Variants in MBOAT2 observed in about 807,000 individuals in gnomAD.
MBOAT2 encodes the protein membrane-bound glycerophospholipid O-acyltransferase 2.
A neutral mutation model predicts 63.4 loss-of-function variants in MBOAT2; 28 were observed. The observed-to-expected ratio is 0.44, with a 90% CI of 0.33 to 0.61. The LOEUF (loss-of-function observed/expected upper bound fraction) is 0.61. Ranked by LOEUF, MBOAT2 falls within the 20% of genes least tolerant of loss-of-function variation. The probability of loss-of-function intolerance (pLI) is 0.03; values close to 1 mark genes in which losing one functional copy is unlikely to be tolerated. For synonymous variants in MBOAT2, 211 were observed against 215.6 expected (o/e 0.98, Z 0.19); for missense variants, 470 against 605.8 (o/e 0.78, Z 2.35).
At chr2:8,906,379 A>G (rs1438109619) in intron 4 of MBOAT2, among the ~76,000 whole-genome samples, 3 of 152,224 alleles carry the variant, frequency 2.0e-5, no homozygotes, top group Non-Finnish European at 4.4e-5. Flanking sequence ...GACAGGATGC[A>G]GGCACAAGTG....
At chr2:8,974,414 C>T (rs62119989) in intron 1 of MBOAT2, 22,150 of 456,212 alleles carry the variant, frequency 0.049, 635 homozygotes, top group Middle Eastern at 0.071. Context: ...GAAAGACACC[C>T]GGGAATCATG....
Position 8,862,427 on chromosome 2 carries a change from G to T in MBOAT2, c.1185+163C>A. On this transcript the variant is annotated intron_variant, in intron 11 of 12. Coordinates refer to ENST00000305997, the MANE Select transcript of MBOAT2 (RefSeq NM_138799.4). This position sits in a 1 kb window ranked among gnomAD's most constrained non-coding sequence, Gnocchi z 4.3. ...GGGCATGGAGCCTAGCCCGTGGTGA[G>T]CGCTCAGCAAACATGCACGCAGTAC... 1.5e-6 allele frequency: 2 copies of T among 1,318,064 alleles called. No individual in the cohort carries two copies. Among genetic ancestry groups the T allele is most frequent in the Non-Finnish European group, 2.1e-6 (2 of 969,778 alleles). The allele number at this position is 1,318,064 out of a possible 1,614,324, so 81.6% of individuals were successfully genotyped here. A position where few individuals can be genotyped will look rare whatever the true frequency, so the allele number is the denominator to read the frequency against.
rs566559972 is a variant in MBOAT2, at chr2:8,856,862, T to A, written c.*1817A>T. ...GAGCCACCATGCTCAGCCAACATAA[T>A]TTCAATGCATGGGAAAACAGAGGAA... On this transcript the variant is annotated 3_prime_UTR_variant, in exon 13 of 13. Transcript: ENST00000305997. This position sits in a 1 kb window ranked among gnomAD's most constrained non-coding sequence, Gnocchi z 4.2. The A allele has an allele frequency of 6.6e-6, 1 of 152,276 alleles. No individual in the cohort carries two copies. The highest frequency in any genetic ancestry group is 1.9e-4 in the East Asian group (1 of 5,178). The allele number at this position is 152,276 out of a possible 1,614,324, so 9.4% of individuals were successfully genotyped here.
At chr2:8,941,971 T>G (rs1668082915) in intron 3 of MBOAT2, among the ~76,000 whole-genome samples, 1 of 152,246 alleles carries the variant, frequency 6.6e-6, no homozygotes. Flanking sequence ...GCATCAGATA[T>G]TAATTGTAGC....
intron 4 of MBOAT2, among the ~76,000 whole-genome samples, chr2:8,904,785 T>C (rs1249682167): frequency 1.3e-5 from 2 of 152,252 alleles, no homozygotes; most frequent in Non-Finnish European, 2.9e-5. Flanking sequence ...TTTTCTATCA[T>C]ATTTTCTAAC....
intron 3 of MBOAT2, among the ~76,000 whole-genome samples, chr2:8,927,400 T>A (rs576039492): frequency 4.6e-5 from 7 of 152,326 alleles, no homozygotes; most frequent in Non-Finnish European, 1.0e-4. Context: ...ATAAGGCAAC[T>A]AAGATTTAGA....
rs147825464 is a variant in MBOAT2, at chr2:8,954,230, G to A, written c.221+4267C>T. On this transcript the variant is annotated intron_variant, in intron 2 of 12. Transcript: ENST00000305997. ...GGCAGGTTTTATATCAGGCTGTGGA[G>A]TTCAACCTACAAGCCCACAGATGGT... Among the ~76,000 whole-genome samples, 17 of 152,246 alleles carry A rather than the reference G, an allele frequency of 1.1e-4. No individual in the cohort carries two copies. The East Asian group carries it at 2.7e-3, about 24-fold the overall frequency.
At chr2:8,994,764 G>A (rs958494637) in intron 1 of MBOAT2, among the ~76,000 whole-genome samples, 1 of 152,130 alleles carries the variant, frequency 6.6e-6, no homozygotes, top group Admixed American at 6.5e-5. Flanking sequence ...GAAAGGATGG[G>A]GCAAATCTTA....
intron 3 of MBOAT2, among the ~76,000 whole-genome samples, chr2:8,929,088 C>T (rs561119204): frequency 6.6e-6 from 1 of 152,152 alleles, no homozygotes; most frequent in Non-Finnish European, 1.5e-5. Context: ...TGTCAGCAGA[C>T]ACAAAAATAG....
At chr2:8,994,330 G>A (rs1192300847) in intron 1 of MBOAT2, among the ~76,000 whole-genome samples, 1 of 152,214 alleles carries the variant, frequency 6.6e-6, no homozygotes, top group Non-Finnish European at 1.5e-5. Context: ...CTAACCAACA[G>A]GGCAGCCCAG....
chr2:8,941,489 G>A (rs910094474), intron 3 of MBOAT2, among the ~76,000 whole-genome samples: 5 of 152,026 alleles, frequency 3.3e-5, no homozygotes, highest in African/African-American at 1.2e-4. Context: ...GCCACATGTG[G>A]CTAGTGAGCA....
At chr2:8,956,597 G>A (rs2103270582) in intron 2 of MBOAT2, among the ~76,000 whole-genome samples, 1 of 152,274 alleles carries the variant, frequency 6.6e-6, no homozygotes, top group South Asian at 2.1e-4. Flanking sequence ...GGAGGCTGAG[G>A]TGGGAGGATC....
At chr2:8,911,996 A>G (rs908112778) in intron 3 of MBOAT2, among the ~76,000 whole-genome samples, 4 of 152,126 alleles carry the variant, frequency 2.6e-5, no homozygotes, top group Non-Finnish European at 5.9e-5. Flanking sequence ...AAATCACATG[A>G]TATCTCAACA....
chr2:8,858,431 G>A lies in MBOAT2; in HGVS notation c.*248C>T, dbSNP rs764383665. Reference sequence around the variant, plus strand: ...GGCACGCGTGTGACCCTACGGACAAGTGCTGAGGTTGGGAGTGCCCACTGA... The same window carrying A: ...GGCACGCGTGTGACCCTACGGACAAATGCTGAGGTTGGGAGTGCCCACTGA... On this transcript the variant is annotated 3_prime_UTR_variant, in exon 13 of 13. Coordinates refer to ENST00000305997, the MANE Select transcript of MBOAT2 (RefSeq NM_138799.4). 4.7e-6 allele frequency: 2 copies of A among 426,874 alleles called. No homozygotes were observed. The highest frequency in any genetic ancestry group is 9.3e-5 in the South Asian group (2 of 21,570). The allele number at this position is 426,874 out of a possible 1,614,324, so 26.4% of individuals were successfully genotyped here. A position where few individuals can be genotyped will look rare whatever the true frequency, so the allele number is the denominator to read the frequency against.
chr2:8,995,729 C>T (rs1176849483), intron 1 of MBOAT2, among the ~76,000 whole-genome samples: 3 of 151,868 alleles, frequency 2.0e-5, no homozygotes, highest in East Asian at 1.9e-4. Context: ...TAGCTGGGAC[C>T]ACGGGCACCC....
intron 4 of MBOAT2, among the ~76,000 whole-genome samples, chr2:8,894,390 A>G (rs545451029): frequency 2.0e-5 from 3 of 152,350 alleles, no homozygotes; most frequent in South Asian, 2.1e-4. Context: ...ACGTAGGTCA[A>G]GGGCTGGGAG....
intron 3 of MBOAT2, among the ~76,000 whole-genome samples, chr2:8,936,225 C>T (rs1045040082): frequency 1.3e-5 from 2 of 152,032 alleles, no homozygotes; most frequent in African/African-American, 4.8e-5. Context: ...GCATAACAAA[C>T]ATTTGTTGCA....
intron 3 of MBOAT2, among the ~76,000 whole-genome samples, chr2:8,922,542 C>G (rs1185919675): frequency 6.6e-6 from 1 of 152,188 alleles, no homozygotes; most frequent in East Asian, 1.9e-4. Flanking sequence ...CAGCTGATGT[C>G]TCTACTCAGT....
intron 1 of MBOAT2, among the ~76,000 whole-genome samples, chr2:8,971,841 CA>C (rs1670478204): frequency 1.3e-5 from 2 of 152,182 alleles, no homozygotes; most frequent in Admixed American, 6.5e-5. Flanking sequence ...AGGAGAACTA[CA>C]AACCACTGCT....
Sources: gnomAD v4.1 joint callset for allele counts (sites outside exome capture counted in the v4.1 genomes callset) on GRCh38, gnomAD v4.1.1 for gene constraint, Gnocchi (gnomAD v3.1) non-coding constraint, MANE v1.5 for transcripts, NCBI Gene and HGNC (gene_info 2026-07-23, HGNC 2026-07-21) for gene names.